Variants in MN1 observed in about 807,000 individuals in gnomAD.
The protein encoded by MN1 is MN1 proto-oncogene, transcriptional regulator, also known as transcriptional activator MN1.
MN1 carries 19 observed loss-of-function variants against 86.9 expected under a neutral mutation model. That is an observed-to-expected ratio of 0.22 (90% CI 0.15 to 0.32). The LOEUF is 0.32. Among genes scored for constraint, MN1 ranks in the 10% least tolerant of loss-of-function variants. The probability of loss-of-function intolerance (pLI) is 1.00; values close to 1 mark genes in which losing one functional copy is unlikely to be tolerated. For missense variants in MN1, 1,841 were observed against 1,862.0 expected, an observed-to-expected ratio of 0.99 and a Z score of 0.21; for synonymous variants, 928 against 849.6, an observed-to-expected ratio of 1.09 and a Z score of -1.60.
intron 1 of MN1, among the ~76,000 whole-genome samples, chr22:27,793,960 A>C (rs45525737): frequency 0.014 from 2,136 of 152,262 alleles, 58 homozygotes; most frequent in African/African-American, 0.049. Context: ...ATAAAATATC[A>C]TTACAAAAAT....
intron 1 of MN1, among the ~76,000 whole-genome samples, chr22:27,769,191 A>G (rs1568974014): frequency 6.6e-6 from 1 of 152,136 alleles, no homozygotes; most frequent in East Asian, 1.9e-4. Context: ...TTGCTAATCA[A>G]CTGCAGCACT....
chr22:27,776,525 G>A (rs537726182), intron 1 of MN1, among the ~76,000 whole-genome samples: 42 of 152,294 alleles, frequency 2.8e-4, no homozygotes, highest in African/African-American at 9.6e-4. Flanking sequence ...GGAGGCTGGG[G>A]GGTGGCTCTG....
chr22:27,762,281 C>T (rs574670558), intron 1 of MN1, among the ~76,000 whole-genome samples: 3 of 152,208 alleles, frequency 2.0e-5, no homozygotes, highest in Admixed American at 6.5e-5. Context: ...AAGCACAGCC[C>T]GTCGGTTCTG....
chr22:27,785,056 C>CCACACACACACACACACACA (rs57257445), intron 1 of MN1, among the ~76,000 whole-genome samples: 12 of 144,832 alleles, frequency 8.3e-5, no homozygotes, highest in Non-Finnish European at 1.1e-4. Context: ...CTGGCATCCG[C>CCACACACACACACACACACA]CACACACACA....
chr22:27,764,086 T>C (rs3819658), intron 1 of MN1, among the ~76,000 whole-genome samples: 107,176 of 152,084 alleles, frequency 0.7, 38,564 homozygotes, highest in East Asian at 0.86. Context: ...AGGTCAGTCA[T>C]GGAGACCCCT....
intron 1 of MN1, among the ~76,000 whole-genome samples, chr22:27,785,579 T>C (rs1601336961): frequency 1.3e-5 from 2 of 152,230 alleles, no homozygotes; most frequent in South Asian, 2.1e-4. Context: ...ATTAAGGAAA[T>C]GCAGGGGCCG....
At position 27,749,683 on chromosome 22, in the gene MN1, C is replaced by T. The variant is rs6005607; in HGVS notation, c.*1232G>A. The T allele has an allele frequency of 1.2e-3, 285 of 231,466 alleles. No homozygotes were observed. The highest frequency in any genetic ancestry group is 5.2e-3 in the African/African-American group (234 of 45,340). 14.3% of individuals were successfully genotyped at this position (231,466 alleles called of 1,614,324 possible). On this transcript the variant is annotated 3_prime_UTR_variant, in exon 2 of 2. Transcript: ENST00000302326. ...AATTCCAGAGTTCAAAACTAAAAGGCGCAGGAATCAAAGTCATTTCATTCT... is the reference window on the plus strand; with the variant it reads ...AATTCCAGAGTTCAAAACTAAAAGGTGCAGGAATCAAAGTCATTTCATTCT...
intron 1 of MN1, among the ~76,000 whole-genome samples, chr22:27,772,876 T>C (rs1440296683): frequency 6.7e-6 from 1 of 148,740 alleles, no homozygotes; most frequent in African/African-American, 2.5e-5. Flanking sequence ...ATCATCATCA[T>C]CATCATCATA....
Position 27,799,249 on chromosome 22 carries a change from G to A in MN1, c.1295C>T (p.Pro432Leu). The A allele has an allele frequency of 6.3e-7, 1 of 1,587,598 alleles. No homozygotes were observed. The highest frequency in any genetic ancestry group is 8.6e-7 in the Non-Finnish European group (1 of 1,164,872). ...YSEPVFSMQHPPPQQAPNQRL... is the reference protein window; with the variant it reads ...YSEPVFSMQHLPPQQAPNQRL... ...CTGGTTGGGCGCCTGCTGCGGAGGA[G>A]GATGCTGCATGCTGAAAACAGGCTC... The change falls in exon 1 of 2, where the codon CCT (proline) becomes CTT (leucine). Residue 432 changes from proline to leucine, a missense_variant. Physicochemically the swap from Pro to Leu is moderately conservative, Grantham distance 98. Transcript: ENST00000302326.
At chr22:27,779,789 A>C (rs1601334247) in intron 1 of MN1, among the ~76,000 whole-genome samples, 1 of 152,092 alleles carries the variant, frequency 6.6e-6, no homozygotes, top group South Asian at 2.1e-4. Flanking sequence ...AGGCCTCCAC[A>C]CCTCCTCGGG....
At chr22:27,792,310 A>G (rs1933221636) in intron 1 of MN1, among the ~76,000 whole-genome samples, 1 of 118,802 alleles carries the variant, frequency 8.4e-6, no homozygotes, top group Non-Finnish European at 1.7e-5. Flanking sequence ...TCAATCTATA[A>G]AAATTGCATA....
In MN1 at chr22:27,800,414, G is replaced by A. The variant is rs760446763; in HGVS notation, c.130C>T (p.Pro44Ser). The change falls in exon 1 of 2, where the codon CCC becomes TCC. Residue 44 changes from proline to serine, a missense_variant. Transcript: ENST00000302326. ...ATAGCAGGATCCACAGGGCCAGGGG[G>A]CCCCCCAGTGTGGAAAGCCGGGGCC... Reference protein sequence around the residue: ...FKAPAFHTGGPPGPVDPAMSA... With the variant: ...FKAPAFHTGGSPGPVDPAMSA... 1.9e-6 allele frequency: 3 copies of A among 1,614,112 alleles called. No homozygotes were observed. Among genetic ancestry groups the A allele is most frequent in the South Asian group, 2.2e-5 (2 of 91,086 alleles).
In MN1 at chr22:27,750,932, C is replaced by G. The variant is rs747015092; in HGVS notation, c.3946G>C (p.Val1316Leu). ...CTTGTCATTCAAGTTAGGGCAGCCA[C>G]GAATGTCCCAAATCTGTTGGAGATG... ...SDISNRFGTF[V>L]AALT Residue 1316 changes from valine (V) to leucine (L), a missense_variant, in exon 2 of 2, where the codon GTG becomes CTG. By Grantham distance (32) the Val-to-Leu change is conservative. Coordinates refer to ENST00000302326, the MANE Select transcript of MN1 (RefSeq NM_002430.3). 1.2e-6 allele frequency: 2 copies of G among 1,600,384 alleles called. No individual in the cohort carries two copies. Among genetic ancestry groups the G allele is most frequent in the Non-Finnish European group, 1.7e-6 (2 of 1,172,090 alleles).
At position 27,750,551 on chromosome 22, in the gene MN1, GAAAAC is replaced by G. The variant is rs1370438389; in HGVS notation, c.*359_*363del. On this transcript the variant is annotated 3_prime_UTR_variant, in exon 2 of 2. Transcript: ENST00000302326. The stretch of plus-strand genomic sequence containing the variant: ...ACAATACTTGGACATACAGCAGCAT[GAAAAC>G]AAAACAAGGAAAGAGGTCATCTAAA... The G allele has an allele frequency of 4.1e-6, 1 of 242,700 alleles. No homozygotes were observed. The highest frequency in any genetic ancestry group is 2.2e-5 in the African/African-American group (1 of 45,678). 15.0% of individuals were successfully genotyped at this position (242,700 alleles called of 1,614,324 possible).
chr22:27,793,603 G>A (rs1389355801), intron 1 of MN1, among the ~76,000 whole-genome samples: 1 of 152,136 alleles, frequency 6.6e-6, no homozygotes, highest in African/African-American at 2.4e-5. Flanking sequence ...GTTGTTGGGT[G>A]GGTTGATTAA....
At chr22:27,769,135 C>T (rs968116804) in intron 1 of MN1, among the ~76,000 whole-genome samples, 5 of 152,214 alleles carry the variant, frequency 3.3e-5, no homozygotes, top group South Asian at 4.2e-4. Context: ...ATCAACCACG[C>T]GGGGCTCCCA....
chr22:27,756,489 A>AC, intron 1 of MN1, among the ~76,000 whole-genome samples: 1 of 151,812 alleles, frequency 6.6e-6, no homozygotes, highest in African/African-American at 2.4e-5. Flanking sequence ...TGACCCAGCC[A>AC]CCTCCTGCCC....
chr22:27,753,274 T>C (rs1712194415), intron 1 of MN1, among the ~76,000 whole-genome samples: 1 of 152,188 alleles, frequency 6.6e-6, no homozygotes, highest in Non-Finnish European at 1.5e-5. Context: ...CTGGAGCTGA[T>C]GGTGAGGCCA....
At chr22:27,780,025 C>T (rs546163809) in intron 1 of MN1, among the ~76,000 whole-genome samples, 1 of 152,272 alleles carries the variant, frequency 6.6e-6, no homozygotes, top group African/African-American at 2.4e-5. Context: ...CTAACTTGCC[C>T]TAACCTATGG....
Sources: allele counts gnomAD v4.1 joint callset (sites outside exome capture counted in the v4.1 genomes callset), GRCh38; gene constraint gnomAD v4.1.1; transcripts MANE v1.5; gene names NCBI Gene and HGNC (gene_info 2026-07-23, HGNC 2026-07-21).